Variants in CDH23 observed in about 807,000 individuals in gnomAD.
CDH23 encodes cadherin-23.
Under a neutral mutation model 317.1 loss-of-function variants are expected in CDH23, and 189 were observed. That is an observed-to-expected ratio of 0.60 (90% CI 0.53 to 0.67). CDH23 has a LOEUF of 0.67. Ranked by LOEUF, CDH23 falls within the 30% of genes least tolerant of loss-of-function variation. The pLI, the probability that CDH23 is intolerant of heterozygous loss-of-function variation, is 0.00. For missense variants in CDH23, 4,401 were observed against 4,592.4 expected (o/e 0.96, Z 1.20); for synonymous variants, 1,839 against 1,876.8 (o/e 0.98, Z 0.52).
intron 11 of CDH23, among the ~76,000 whole-genome samples, chr10:71,630,345 G>T (rs538011059): frequency 6.6e-6 from 1 of 152,112 alleles, no homozygotes; most frequent in East Asian, 1.9e-4. Flanking sequence ...AAAGGATGCT[G>T]TGTCTGCCAG....
intron 15 of CDH23, among the ~76,000 whole-genome samples, chr10:71,676,312 T>C (rs1410899444): frequency 6.6e-6 from 1 of 151,906 alleles, no homozygotes; most frequent in Non-Finnish European, 1.5e-5. Context: ...GCCCCAGCTA[T>C]CCGTGGGAAG....
chr10:71,574,242 C>T (rs1858017762), intron 8 of CDH23, among the ~76,000 whole-genome samples: 1 of 152,118 alleles, frequency 6.6e-6, no homozygotes, highest in South Asian at 2.1e-4. Flanking sequence ...ATCAGGTTAG[C>T]ATGCCTCATC....
chr10:71,583,386 G>A (rs1441223223), intron 9 of CDH23, among the ~76,000 whole-genome samples: 4 of 152,082 alleles, frequency 2.6e-5, no homozygotes, highest in South Asian at 2.1e-4. Context: ...TGGGAGTGGG[G>A]TGCATAGTCA....
rs762416396 is a variant in CDH23 at position 71,784,316 on chromosome 10, G to T, written c.5398G>T (p.Val1800Leu). The T allele has an allele frequency of 1.2e-6, 2 of 1,613,780 alleles. No homozygotes were observed. Among genetic ancestry groups the T allele is most frequent in the African/African-American group, 1.3e-5 (1 of 74,936 alleles). Reference sequence around the variant, plus strand: ...GTTTGTGATCTCTCCTGTGGAGGGGGTGCTAAGGGTCCGGAAGGACGTGGA... The same window carrying T: ...GTTTGTGATCTCTCCTGTGGAGGGGTTGCTAAGGGTCCGGAAGGACGTGGA... The part of the protein sequence containing the change: ...GEFVISPVEG[V>L]LRVRKDVELD... Residue 1800 changes from valine to leucine, a missense_variant, in exon 42 of 70, where the codon GTG becomes TTG. By Grantham distance (32) the Val-to-Leu change is conservative. This residue lies in a region of CDH23 where 3,068 missense variants were observed against 3,203.3 expected (regional missense o/e 0.96). Coordinates refer to ENST00000224721, the MANE Select transcript of CDH23 (RefSeq NM_022124.6).
At chr10:71,404,341 G>T (rs1847998464) in intron 1 of CDH23, among the ~76,000 whole-genome samples, 1 of 151,978 alleles carries the variant, frequency 6.6e-6, no homozygotes, top group African/African-American at 2.4e-5. Context: ...TGTGAGTTTT[G>T]CCTGCAGCTG....
chr10:71,694,448 C>T (rs974286528), intron 21 of CDH23, among the ~76,000 whole-genome samples, 189 bp downstream of exon 21: 91 of 152,242 alleles, frequency 6.0e-4, no homozygotes, highest in African/African-American at 2.0e-3. Flanking sequence ...GGAAGAAAGG[C>T]ATCACCACCA....
intron 41 of CDH23, among the ~76,000 whole-genome samples, chr10:71,780,764 G>A (rs894153114): frequency 6.6e-6 from 1 of 152,136 alleles, no homozygotes; most frequent in Non-Finnish European, 1.5e-5. Context: ...CAGACTGTAG[G>A]GGTGAAGGAA....
chr10:71,486,557 C>T (rs1419556369), intron 3 of CDH23, among the ~76,000 whole-genome samples: 2 of 152,120 alleles, frequency 1.3e-5, no homozygotes, highest in Non-Finnish European at 2.9e-5. Context: ...CACTGTCTAC[C>T]AGGGTTTCCC....
At chr10:71,541,929 G>A (rs1856010398) in intron 6 of CDH23, among the ~76,000 whole-genome samples, 1 of 152,158 alleles carries the variant, frequency 6.6e-6, no homozygotes, top group South Asian at 2.1e-4. Flanking sequence ...ACTTAAAAAT[G>A]TAAAAATCAT....
chr10:71,642,539 C>T (rs1564704757), intron 11 of CDH23, among the ~76,000 whole-genome samples: 1 of 151,804 alleles, frequency 6.6e-6, no homozygotes, highest in Admixed American at 6.6e-5. Context: ...GCTGGGATTA[C>T]AGGCGTGCAT....
At chr10:71,418,028 T>C (rs1848605324) in intron 1 of CDH23, among the ~76,000 whole-genome samples, 1 of 152,244 alleles carries the variant, frequency 6.6e-6, no homozygotes, top group African/African-American at 2.4e-5. Context: ...TTATTCCTTT[T>C]GGGAATTTAT....
chr10:71,531,715 A>G (rs1187732710), intron 6 of CDH23, among the ~76,000 whole-genome samples: 1 of 152,108 alleles, frequency 6.6e-6, no homozygotes. Flanking sequence ...TCCTAGCCAT[A>G]GACAACACCC....
At chr10:71,428,245 C>T (rs1396973441) in intron 1 of CDH23, among the ~76,000 whole-genome samples, 1 of 149,508 alleles carries the variant, frequency 6.7e-6, no homozygotes, top group East Asian at 2.0e-4. Flanking sequence ...TCAAGCAATT[C>T]TCATGCCTCA....
chr10:71,449,028 A>G (rs1297951945), intron 3 of CDH23, among the ~76,000 whole-genome samples: 1 of 152,206 alleles, frequency 6.6e-6, no homozygotes, highest in African/African-American at 2.4e-5. Flanking sequence ...CCAGTCACCA[A>G]AATGGGTGAC....
chr10:71,677,714 G>A (rs373218653), intron 16 of CDH23, 21 bp downstream of exon 16: 2 of 1,524,828 alleles, frequency 1.3e-6, no homozygotes, highest in African/African-American at 1.4e-5. Flanking sequence ...AGGGAGCCCT[G>A]CACTCCTGCC....
intron 1 of CDH23, among the ~76,000 whole-genome samples, chr10:71,407,797 T>C (rs1243958034): frequency 1.3e-5 from 2 of 152,180 alleles, no homozygotes. Context: ...TGAAGAAAAA[T>C]GCCCCTGGCA....
intron 9 of CDH23, among the ~76,000 whole-genome samples, chr10:71,585,910 G>A (rs4372366): frequency 0.019 from 2,921 of 152,282 alleles, 212 homozygotes; most frequent in East Asian, 0.18. Context: ...ACTGGTGGGT[G>A]GACTTTTAAG....
intron 1 of CDH23, among the ~76,000 whole-genome samples, chr10:71,436,233 T>C (rs1849612121): frequency 6.6e-6 from 1 of 152,216 alleles, no homozygotes; most frequent in African/African-American, 2.4e-5. Flanking sequence ...CCCTGACTGA[T>C]GGATCTGGGC....
chr10:71,423,839 C>T (rs939374283), intron 1 of CDH23, among the ~76,000 whole-genome samples: 7 of 152,170 alleles, frequency 4.6e-5, no homozygotes, highest in Non-Finnish European at 7.4e-5. Context: ...CAGGGCAGGA[C>T]GGGTGGTGCT....
Sources: allele counts gnomAD v4.1 joint callset (sites outside exome capture counted in the v4.1 genomes callset), GRCh38; gene constraint gnomAD v4.1.1; regional missense constraint gnomAD v4.1.1; transcripts MANE v1.5; gene names NCBI Gene and HGNC (gene_info 2026-07-23, HGNC 2026-07-21).